Variants in PPP1CB observed in about 807,000 individuals in gnomAD.
The protein encoded by PPP1CB is serine/threonine-protein phosphatase PP1-beta catalytic subunit.
Under a neutral mutation model 43.7 loss-of-function variants are expected in PPP1CB, and 2 were observed. The observed-to-expected ratio is 0.05, with a 90% CI of 0.02 to 0.14. The LOEUF (loss-of-function observed/expected upper bound fraction) is 0.14. PPP1CB is among the 10% of genes least tolerant of loss of function. The probability of loss-of-function intolerance (pLI) is 1.00; values close to 1 mark genes in which losing one functional copy is unlikely to be tolerated. For synonymous variants in PPP1CB, 136 were observed against 135.6 expected (o/e 1.00, Z -0.02); for missense variants, 84 against 398.0 (o/e 0.21, Z 6.71).
chr2:28,786,829 C>G (rs886141816), intron 5 of PPP1CB, among the ~76,000 whole-genome samples: 18 of 146,330 alleles, frequency 1.2e-4, no homozygotes, highest in Non-Finnish European at 2.4e-4. Context: ...TAGCTTTCTA[C>G]TGGAAAGAGG....
chr2:28,756,516 C>G (rs1666492247), intron 1 of PPP1CB, among the ~76,000 whole-genome samples: 1 of 152,198 alleles, frequency 6.6e-6, no homozygotes, highest in South Asian at 2.1e-4. Context: ...TTAACTTTTC[C>G]TATTCAAGAC....
At chr2:28,759,547 G>T (rs544503503) in intron 1 of PPP1CB, among the ~76,000 whole-genome samples, 2 of 126,004 alleles carry the variant, frequency 1.6e-5, no homozygotes, top group East Asian at 2.7e-4. Flanking sequence ...AAAAAAAAAA[G>T]TATAACACAA....
At chr2:28,759,772 C>G (rs911236930) in intron 1 of PPP1CB, among the ~76,000 whole-genome samples, 17 of 151,966 alleles carry the variant, frequency 1.1e-4, no homozygotes, top group African/African-American at 4.1e-4. Flanking sequence ...CGTGCACCAC[C>G]ACACCTGGCT....
At chr2:28,776,829 T>G in intron 1 of PPP1CB, 22 bp from the exon 2 acceptor site, 1 of 1,578,004 alleles carries the variant, frequency 6.3e-7, no homozygotes, top group Non-Finnish European at 8.6e-7. Context: ...GAAAACTGAC[T>G]GTTTTATTTA....
intron 2 of PPP1CB, among the ~76,000 whole-genome samples, chr2:28,777,429 G>A (rs1190096259): frequency 6.6e-6 from 1 of 152,072 alleles, no homozygotes; most frequent in Non-Finnish European, 1.5e-5. Context: ...CACGAAAAGG[G>A]CATCATAGTA....
At chr2:28,762,615 G>T (rs1312706561) in intron 1 of PPP1CB, among the ~76,000 whole-genome samples, 1 of 152,150 alleles carries the variant, frequency 6.6e-6, no homozygotes, top group African/African-American at 2.4e-5. Flanking sequence ...GTTTTTTAAA[G>T]GTGAATTTTA....
Position 28,786,132 on chromosome 2 carries a change from A to C in PPP1CB, c.592+2154A>C, listed in dbSNP as rs566791757. 3.5e-3 allele frequency among the ~76,000 whole-genome samples: 533 copies of C among 152,192 alleles called. 3 individuals are homozygous for C. Among genetic ancestry groups the C allele is most frequent in the African/African-American group, 0.012 (490 of 41,522 alleles). On this transcript the variant is annotated intron_variant, in intron 5 of 7. Transcript: ENST00000395366. ...AATCTTGACTCTGAAATTCTTTTTG[A>C]GACAGAATTTCACTCTTGTCGCCCA...
intron 1 of PPP1CB, 84 bp downstream of exon 1, chr2:28,752,260 G>C: frequency 7.8e-7 from 1 of 1,280,198 alleles, no homozygotes; most frequent in Non-Finnish European, 1.1e-6. Flanking sequence ...CGGAACGCGA[G>C]GGGACCCCTT....
At chr2:28,762,344 G>T (rs866597459) in intron 1 of PPP1CB, among the ~76,000 whole-genome samples, 1 of 152,176 alleles carries the variant, frequency 6.6e-6, no homozygotes, top group Non-Finnish European at 1.5e-5. Flanking sequence ...TAGCATAAAT[G>T]TTTTTTATGA....
chr2:28,798,375 A>G (rs896400018), intron 7 of PPP1CB, among the ~76,000 whole-genome samples: 3 of 152,110 alleles, frequency 2.0e-5, no homozygotes, highest in Non-Finnish European at 4.4e-5. Context: ...ATATGAAAAC[A>G]TGTTCACACA....
intron 1 of PPP1CB, among the ~76,000 whole-genome samples, chr2:28,774,506 A>T (rs551030838): frequency 6.6e-6 from 1 of 151,656 alleles, no homozygotes; most frequent in Admixed American, 6.6e-5. Context: ...GCTCACTGCA[A>T]CCTCCACCTC....
chr2:28,797,615 C>T (rs1232167284), intron 7 of PPP1CB, among the ~76,000 whole-genome samples: 3 of 151,948 alleles, frequency 2.0e-5, no homozygotes, highest in African/African-American at 4.8e-5. Context: ...TTCTAGGTTT[C>T]CTAGTTTGTG....
rs1667595486 is a variant in PPP1CB, at chr2:28,800,676, A to C, written c.*1373A>C. 1 of 152,568 alleles carries C rather than the reference A, an allele frequency of 6.6e-6. No individual in the cohort carries two copies. Among genetic ancestry groups the C allele is most frequent in the Middle Eastern group, 3.4e-3 (1 of 294 alleles). 9.5% of individuals were successfully genotyped at this position (152,568 alleles called of 1,614,324 possible). Reference sequence around the variant, plus strand: ...ATTTTAGAAGGAGAGAACTTACAGGACACAGATTTGTGATTCTTTGACTGT... The same window carrying C: ...ATTTTAGAAGGAGAGAACTTACAGGCCACAGATTTGTGATTCTTTGACTGT... On this transcript the variant is annotated 3_prime_UTR_variant, in exon 8 of 8. Transcript: ENST00000395366.
chr2:28,794,421 T>G (rs1423935305), intron 7 of PPP1CB, among the ~76,000 whole-genome samples: 2 of 152,204 alleles, frequency 1.3e-5, no homozygotes, highest in Non-Finnish European at 2.9e-5. Context: ...CTGGGCACGG[T>G]GGCTCACTCC....
At position 28,793,901 on chromosome 2, in the gene PPP1CB, G is replaced by A. The variant is rs1667441976; in HGVS notation, c.783G>A (p.Gln261=). The change falls in exon 7 of 8, where the codon CAG becomes CAA. Residue 261 remains glutamine (Q), a synonymous_variant. Coordinates refer to ENST00000395366, the MANE Select transcript of PPP1CB (RefSeq NM_002709.3). ...GATATGAATTTTTTGCTAAACGACA[G>A]TTGGTAACCTTATTTTCAGCCCCAA... ...EDGYEFFAKR[Q]LVTLFSAPNY... is the part of the protein sequence containing the mutation. 1 of 1,614,058 alleles carries A rather than the reference G, an allele frequency of 6.2e-7. No homozygotes were observed. The highest frequency in any genetic ancestry group is 1.3e-5 in the African/African-American group (1 of 75,044).
At chr2:28,784,472 C>T (rs72784019) in intron 5 of PPP1CB, among the ~76,000 whole-genome samples, 6,999 of 152,046 alleles carry the variant, frequency 0.046, 203 homozygotes, top group Non-Finnish European at 0.07. Flanking sequence ...ATCTGTTGCC[C>T]AGGCTGGCCT....
At chr2:28,752,703 A>G (rs1572437806) in intron 1 of PPP1CB, among the ~76,000 whole-genome samples, 2 of 152,280 alleles carry the variant, frequency 1.3e-5, no homozygotes, top group East Asian at 3.9e-4. Context: ...ATTTTTACAC[A>G]ATGCTATATA....
intron 1 of PPP1CB, among the ~76,000 whole-genome samples, chr2:28,759,783 A>C (rs1666597521): frequency 6.6e-6 from 1 of 151,612 alleles, no homozygotes; most frequent in Non-Finnish European, 1.5e-5. Flanking sequence ...ACACCTGGCT[A>C]ATTTTTTGTA....
intron 5 of PPP1CB, among the ~76,000 whole-genome samples, chr2:28,786,583 G>A (rs1317724011): frequency 6.6e-6 from 1 of 151,748 alleles, no homozygotes; most frequent in Admixed American, 6.6e-5. Flanking sequence ...TTGAGATCGA[G>A]ACCATCCTGG....
Sources: gnomAD v4.1 joint callset for allele counts (sites outside exome capture counted in the v4.1 genomes callset) on GRCh38, gnomAD v4.1.1 for gene constraint, MANE v1.5 for transcripts, NCBI Gene and HGNC (gene_info 2026-07-23, HGNC 2026-07-21) for gene names.